AGAP1: variants seen among roughly 807,000 people sequenced by gnomAD.
The protein encoded by AGAP1 is arf-GAP with GTPase, ANK repeat and PH domain-containing protein 1.
A neutral mutation model predicts 105.3 loss-of-function variants in AGAP1; 29 were observed. That is an observed-to-expected ratio of 0.28 (90% confidence interval 0.21 to 0.38). The LOEUF (loss-of-function observed/expected upper bound fraction) is 0.38, where lower values mean the gene tolerates loss of function less well. AGAP1 is among the 10% of genes least tolerant of loss of function. The pLI, the probability that AGAP1 is intolerant of heterozygous loss-of-function variation, is 1.00. For missense variants in AGAP1, 998 were observed against 1,165.1 expected, an observed-to-expected ratio of 0.86 and a Z score of 2.09; for synonymous variants, 509 against 485.9, an observed-to-expected ratio of 1.05 and a Z score of -0.63.
chr2:235,577,835 C>T lies in AGAP1; in HGVS notation c.163+82986C>T, dbSNP rs139051628. 2.0e-5 allele frequency among the ~76,000 whole-genome samples: 3 copies of T among 152,118 alleles called. No homozygotes were observed. Among genetic ancestry groups the T allele is most frequent in the Non-Finnish European group, 4.4e-5 (3 of 67,998 alleles). ...CCCTCCTTCAGCGCTGCACAAAAGG[C>T]CCATGTCTGCTCGCTGGGACCTGAT... On this transcript the variant is annotated intron_variant, in intron 1 of 17. Transcript: ENST00000304032. This position sits in a 1 kb window ranked among gnomAD's most constrained non-coding sequence, Gnocchi z 4.5.
chr2:235,536,633 A>G (rs1335410329), intron 1 of AGAP1, among the ~76,000 whole-genome samples: 456 of 42,280 alleles, frequency 0.011, 12 homozygotes, highest in African/African-American at 0.054. Context: ...TCCTTCACAC[A>G]CACACACACA....
intron 1 of AGAP1, among the ~76,000 whole-genome samples, chr2:235,644,121 C>T (rs1947293311): frequency 6.6e-6 from 1 of 152,182 alleles, no homozygotes; most frequent in South Asian, 2.1e-4. Flanking sequence ...GAAGGTCAGC[C>T]TTGCAGACTT....
intron 1 of AGAP1, among the ~76,000 whole-genome samples, chr2:235,563,231 C>G (rs923194524): frequency 2.0e-5 from 3 of 152,204 alleles, no homozygotes; most frequent in Non-Finnish European, 2.9e-5. Context: ...CTGTGCCCCC[C>G]TGCCCTGGCC....
chr2:235,922,995 C>G (rs1186741662), intron 11 of AGAP1, among the ~76,000 whole-genome samples: 1 of 152,188 alleles, frequency 6.6e-6, no homozygotes, highest in Non-Finnish European at 1.5e-5. Flanking sequence ...AGCACACACA[C>G]ATATCCATAT....
intron 9 of AGAP1, among the ~76,000 whole-genome samples, chr2:235,827,160 A>C (rs772956509): frequency 1.3e-5 from 2 of 152,232 alleles, no homozygotes; most frequent in Non-Finnish European, 2.9e-5. Context: ...TTATTTTAAA[A>C]ATATGTGTGA....
rs139318243 is a variant in AGAP1, at chr2:235,691,976, C to T, written c.164-17203C>T. 6.6e-6 allele frequency among the ~76,000 whole-genome samples: 1 copy of T among 152,260 alleles called. No individual in the cohort carries two copies. The highest frequency in any genetic ancestry group is 2.4e-5 in the African/African-American group (1 of 41,550). On this transcript the variant is annotated intron_variant, in intron 1 of 17. Coordinates refer to ENST00000304032, the MANE Select transcript of AGAP1 (RefSeq NM_001037131.3). This position sits in a 1 kb window ranked among gnomAD's most constrained non-coding sequence, Gnocchi z 4.4. ...GAGAAATAACAGCATCACGATAGCA[C>T]ATTCTCTAGTTGCTGGTTATCTAGT...
intron 1 of AGAP1, among the ~76,000 whole-genome samples, chr2:235,637,454 T>A (rs898681359): frequency 5.9e-5 from 9 of 151,926 alleles, no homozygotes; most frequent in African/African-American, 4.8e-5. Flanking sequence ...ATTATTATTT[T>A]TTTTTTTTTG....
At chr2:235,795,472 C>T (rs1351154724) in intron 6 of AGAP1, among the ~76,000 whole-genome samples, 2 of 152,152 alleles carry the variant, frequency 1.3e-5, no homozygotes, top group African/African-American at 4.8e-5. Flanking sequence ...GCTCCCGCTC[C>T]TCCTCCTGAA....
intron 1 of AGAP1, among the ~76,000 whole-genome samples, chr2:235,694,066 A>G (rs1949875395): frequency 6.6e-6 from 1 of 152,196 alleles, no homozygotes; most frequent in Admixed American, 6.5e-5. Context: ...GAAGCTGGCC[A>G]GATGTGGTGG....
chr2:235,925,406 G>A (rs983021033), intron 11 of AGAP1, among the ~76,000 whole-genome samples: 28 of 152,148 alleles, frequency 1.8e-4, no homozygotes, highest in Non-Finnish European at 3.7e-4. Flanking sequence ...ACGGCTGTGT[G>A]TTGAGGTGGT....
chr2:236,024,021 GTTT>G (rs1278589760), intron 13 of AGAP1, among the ~76,000 whole-genome samples: 2 of 112,158 alleles, frequency 1.8e-5, no homozygotes, highest in African/African-American at 7.2e-5. Flanking sequence ...GTGGTTGGTT[GTTT>G]TTTTTTTTTG....
intron 12 of AGAP1, among the ~76,000 whole-genome samples, chr2:235,941,950 T>C (rs997581538): frequency 1.3e-5 from 2 of 152,162 alleles, no homozygotes; most frequent in Non-Finnish European, 2.9e-5. Context: ...TAAAAAGGTT[T>C]GCCCGTGATC....
chr2:235,659,725 C>T lies in AGAP1; in HGVS notation c.164-49454C>T, dbSNP rs1346767437. On this transcript the variant is annotated intron_variant, in intron 1 of 17. Coordinates refer to ENST00000304032, the MANE Select transcript of AGAP1 (RefSeq NM_001037131.3). The surrounding 1 kb of genome is among the most constrained non-coding windows in gnomAD (Gnocchi z 5.0). ...ACAGTTCTCAGTTATTCCAAGTATTCTATTTCTTAATGGATCTTCTAAGCC... is the reference window on the plus strand; with the variant it reads ...ACAGTTCTCAGTTATTCCAAGTATTTTATTTCTTAATGGATCTTCTAAGCC... Among the ~76,000 whole-genome samples, 1 of 152,220 alleles carries T rather than the reference C, an allele frequency of 6.6e-6. No individual in the cohort carries two copies. Among genetic ancestry groups the T allele is most frequent in the Non-Finnish European group, 1.5e-5 (1 of 68,044 alleles).
At chr2:236,097,293 C>T (rs1487371523) in intron 16 of AGAP1, among the ~76,000 whole-genome samples, 2 of 147,274 alleles carry the variant, frequency 1.4e-5, no homozygotes, top group Non-Finnish European at 3.0e-5. Context: ...CACACAGTGG[C>T]GTCTGTCTGA....
intron 1 of AGAP1, among the ~76,000 whole-genome samples, chr2:235,708,290 T>G (rs6431398): frequency 0.076 from 11,630 of 152,264 alleles, 1,454 homozygotes; most frequent in African/African-American, 0.26. Context: ...AGCCCACTCG[T>G]CATGTGTTGC....
At chr2:235,696,588 C>T (rs1275404039) in intron 1 of AGAP1, among the ~76,000 whole-genome samples, 1 of 152,212 alleles carries the variant, frequency 6.6e-6, no homozygotes, top group African/African-American at 2.4e-5. Flanking sequence ...GACCTTCTCC[C>T]AGGAGGCTGA....
rs545623147 is a variant in AGAP1 at position 236,044,450 on chromosome 2, G to A, written c.1891+3609G>A. ...TGCTTTCTCTCTGCCCATCCATGTC[G>A]CCCATGAAGCCCTGGTTGGAGCTGA... On this transcript the variant is annotated intron_variant, in intron 15 of 17. Transcript: ENST00000304032. This position sits in a 1 kb window ranked among gnomAD's most constrained non-coding sequence, Gnocchi z 5.7. Among the ~76,000 whole-genome samples, 4 of 152,062 alleles carry A rather than the reference G, an allele frequency of 2.6e-5. No homozygotes were observed. Among genetic ancestry groups the A allele is most frequent in the South Asian group, 4.1e-4 (2 of 4,828 alleles).
chr2:236,085,297 G>C (rs955045965), intron 16 of AGAP1, among the ~76,000 whole-genome samples: 2 of 152,120 alleles, frequency 1.3e-5, no homozygotes, highest in Admixed American at 1.3e-4. Context: ...TAGAGAAGGG[G>C]TGGTAGGGGG....
rs1951533434 is a variant in AGAP1 at position 235,724,182 on chromosome 2, C to T, written c.310+6538C>T. 6.6e-6 allele frequency among the ~76,000 whole-genome samples: 1 copy of T among 152,204 alleles called. No homozygotes were observed. ...TTCTTAACCAACTCAAAATTTTAGG[C>T]AGAAAGCTAGCTCCAAGGCTGAGGC... On this transcript the variant is annotated intron_variant, in intron 3 of 17. Coordinates refer to ENST00000304032, the MANE Select transcript of AGAP1 (RefSeq NM_001037131.3). The surrounding 1 kb of genome is among the most constrained non-coding windows in gnomAD (Gnocchi z 4.9).
Sources: gnomAD v4.1 joint callset for allele counts (sites outside exome capture counted in the v4.1 genomes callset) on GRCh38, gnomAD v4.1.1 for gene constraint, Gnocchi (gnomAD v3.1) non-coding constraint, MANE v1.5 for transcripts, NCBI Gene and HGNC (gene_info 2026-07-23, HGNC 2026-07-21) for gene names.